Variants in CYP46A1 observed in about 807,000 individuals in gnomAD.
CYP46A1 encodes cholesterol 24-hydroxylase.
Under a neutral mutation model 63.3 loss-of-function variants are expected in CYP46A1, and 20 were observed. That is an observed-to-expected ratio of 0.32 (90% CI 0.22 to 0.46). CYP46A1 has a LOEUF of 0.46. Among genes scored for constraint, CYP46A1 ranks in the 20% least tolerant of loss-of-function variants. The probability of loss-of-function intolerance (pLI) is 1.00; values close to 1 mark genes in which losing one functional copy is unlikely to be tolerated. For missense variants in CYP46A1, 445 were observed against 670.8 expected (o/e 0.66, Z 3.72); for synonymous variants, 268 against 273.6 (o/e 0.98, Z 0.20).
At chr14:99,724,905 G>A (rs904218114) in intron 12 of CYP46A1, among the ~76,000 whole-genome samples, 1 of 152,212 alleles carries the variant, frequency 6.6e-6, no homozygotes, top group African/African-American at 2.4e-5. Flanking sequence ...CACGTGGAAG[G>A]CTGGTGGGGT....
intron 7 of CYP46A1, chr14:99,713,437 CAA>C (rs35267715): frequency 0.46 from 66,533 of 144,622 alleles, 15,030 homozygotes; most frequent in Admixed American, 0.51. Flanking sequence ...GACTACATCT[CAA>C]AAAAAAAAAA....
intron 3 of CYP46A1, among the ~76,000 whole-genome samples, chr14:99,695,872 C>G (rs2056583586): frequency 6.6e-6 from 1 of 152,104 alleles, no homozygotes; most frequent in African/African-American, 2.4e-5. Flanking sequence ...CTCAAGTGAT[C>G]TGCCCACCTC....
chr14:99,726,345 T>TTTGGGG, intron 14 of CYP46A1, 89 bp downstream of exon 14: 4 of 1,422,382 alleles, frequency 2.8e-6, no homozygotes, highest in Non-Finnish European at 9.7e-7. Flanking sequence ...GAACCCCTGC[T>TTTGGGG]CTGGGGCTGC....
At chr14:99,712,322 A>G (rs1595198306) in intron 7 of CYP46A1, 1 of 152,190 alleles carries the variant, frequency 6.6e-6, no homozygotes, top group Admixed American at 6.5e-5. Context: ...GAAATAAAAG[A>G]CGTCCAAATT....
rs564338899 is a variant in CYP46A1 at position 99,692,627 on chromosome 14, C to T, written c.282+766C>T. 2.5e-4 allele frequency among the ~76,000 whole-genome samples: 38 copies of T among 150,428 alleles called. 1 individual carries two copies. Among genetic ancestry groups the T allele is most frequent in the African/African-American group, 8.1e-4 (33 of 40,848 alleles). On this transcript the variant is annotated intron_variant, in intron 3 of 14. Transcript: ENST00000261835. Reference sequence around the variant, plus strand: ...GGTGGATCACCTGAGGTCAGGAGTTCGCGACCAGCCTGGCCAACATGGTGA... The same window carrying T: ...GGTGGATCACCTGAGGTCAGGAGTTTGCGACCAGCCTGGCCAACATGGTGA...
chr14:99,725,543 C>G lies in CYP46A1; in HGVS notation c.1265+64C>G, dbSNP rs2056888270. The G allele has an allele frequency of 7.8e-7, 1 of 1,285,052 alleles. No individual in the cohort carries two copies. 79.6% of individuals were successfully genotyped at this position (1,285,052 alleles called of 1,614,324 possible). A position where few individuals can be genotyped will look rare whatever the true frequency, so the allele number is the denominator to read the frequency against. On this transcript the variant is annotated intron_variant, in intron 13 of 14. Transcript: ENST00000261835. This position sits in a 1 kb window ranked among gnomAD's most constrained non-coding sequence, Gnocchi z 4.2. ...GGGAGAAGGACAGACACAGCGGCCTCTGGTCTGAGCCAGAGGCACCCACTC... is the reference window on the plus strand; with the variant it reads ...GGGAGAAGGACAGACACAGCGGCCTGTGGTCTGAGCCAGAGGCACCCACTC...
At chr14:99,697,531 G>T (rs1225955488) in intron 3 of CYP46A1, among the ~76,000 whole-genome samples, 3 of 152,174 alleles carry the variant, frequency 2.0e-5, no homozygotes, top group East Asian at 3.8e-4. Flanking sequence ...CTAGGTCATA[G>T]GTCTCACATT....
Position 99,722,027 on chromosome 14 carries a change from G to A in CYP46A1, c.1137G>A (p.Leu379=). 6.2e-7 allele frequency: 1 copy of A among 1,613,538 alleles called. No homozygotes were observed. The change falls in exon 12 of 15, where the codon TTG becomes TTA. Residue 379 remains leucine (L), a synonymous_variant. Transcript: ENST00000261835. The surrounding 1 kb of genome is among the most constrained non-coding windows in gnomAD (Gnocchi z 4.6). ...TTCGCCTGCTGGAAGAGGAGACCTT[G>A]ATTGATGGGGTCAGAGTCCCCGGCA... The part of the protein sequence containing the change: ...GTFRLLEEET[L]IDGVRVPGNT...
intron 2 of CYP46A1, 48 bp downstream of exon 2, chr14:99,691,209 G>A: frequency 6.3e-7 from 1 of 1,591,984 alleles, no homozygotes; most frequent in Non-Finnish European, 8.6e-7. Flanking sequence ...GTTCCCTTGG[G>A]GCAGCTCCCC....
At chr14:99,705,510 C>A (rs921706790) in intron 5 of CYP46A1, among the ~76,000 whole-genome samples, 1 of 152,182 alleles carries the variant, frequency 6.6e-6, no homozygotes, top group Non-Finnish European at 1.5e-5. Flanking sequence ...CTGGCCCTGG[C>A]CCCATTTCTC....
chr14:99,715,666 C>G (rs760387728), intron 7 of CYP46A1, 144 bp from the exon 8 acceptor site: 16 of 1,047,428 alleles, frequency 1.5e-5, no homozygotes, highest in Non-Finnish European at 2.2e-5. Context: ...GTCTCCCTGG[C>G]TGCTTCATCT....
At position 99,717,880 on chromosome 14, in the gene CYP46A1, C is replaced by G. The variant is rs1018056416; in HGVS notation, c.908-174C>G. On this transcript the variant is annotated intron_variant, in intron 9 of 14. Coordinates refer to ENST00000261835, the MANE Select transcript of CYP46A1 (RefSeq NM_006668.2). Reference sequence around the variant, plus strand: ...TCTTCTCCAAAATGGAGGTGAGCACCTCCCCGGGCCAAGTGAGACCTAGAC... The same window carrying G: ...TCTTCTCCAAAATGGAGGTGAGCACGTCCCCGGGCCAAGTGAGACCTAGAC... 6 of 525,820 alleles carry G rather than the reference C, an allele frequency of 1.1e-5. No individual in the cohort carries two copies. The African/African-American group carries it at 1.2e-4, about 10-fold the overall frequency. The allele number at this position is 525,820 out of a possible 1,614,324, so 32.6% of individuals were successfully genotyped here. A position where few individuals can be genotyped will look rare whatever the true frequency, so the allele number is the denominator to read the frequency against.
rs2056889769 is a variant in CYP46A1 at position 99,725,726 on chromosome 14, C to T, written c.1265+247C>T. ...ATAAGCAGCACCAAATACTGGGAAGCTGGGTGACTTCACCTCCCCAAGCCT... is the reference window on the plus strand; with the variant it reads ...ATAAGCAGCACCAAATACTGGGAAGTTGGGTGACTTCACCTCCCCAAGCCT... On this transcript the variant is annotated intron_variant, in intron 13 of 14. Coordinates refer to ENST00000261835, the MANE Select transcript of CYP46A1 (RefSeq NM_006668.2). The surrounding 1 kb of genome is among the most constrained non-coding windows in gnomAD (Gnocchi z 4.2). Among the ~76,000 whole-genome samples the T allele has an allele frequency of 6.6e-6, 1 of 152,232 alleles. No homozygotes were observed. Among genetic ancestry groups the T allele is most frequent in the South Asian group, 2.1e-4 (1 of 4,834 alleles).
intron 10 of CYP46A1, among the ~76,000 whole-genome samples, chr14:99,718,817 A>G (rs1282605959): frequency 6.6e-6 from 1 of 152,104 alleles, no homozygotes; most frequent in Non-Finnish European, 1.5e-5. Context: ...AAAATATACA[A>G]TCTTTCTAGG....
At chr14:99,684,860 C>T (rs934707420) in intron 1 of CYP46A1, 2 of 439,020 alleles carry the variant, frequency 4.6e-6, no homozygotes, top group Non-Finnish European at 9.1e-6. Context: ...CAAGGTCACA[C>T]GGTTGGTAAG....
intron 3 of CYP46A1, among the ~76,000 whole-genome samples, chr14:99,698,707 T>G (rs910223482): frequency 5.3e-5 from 8 of 152,292 alleles, no homozygotes; most frequent in Middle Eastern, 3.4e-3. Context: ...GTCCCAGAGT[T>G]AGCATGTGGT....
chr14:99,726,915 G>GGACTGC lies in CYP46A1; in HGVS notation c.*189_*190insACTGCG, dbSNP rs1368154612. Reference sequence around the variant, plus strand: ...GCTCCCTGTCGCCTGCGGACTCCATGGCCCTTCCTGGACTGGCCCTTGCCC... The same window carrying GGACTGC: ...GCTCCCTGTCGCCTGCGGACTCCATGGACTGCGCCCTTCCTGGACTGGCCCTTGCCC... On this transcript the variant is annotated 3_prime_UTR_variant, in exon 15 of 15. Coordinates refer to ENST00000261835, the MANE Select transcript of CYP46A1 (RefSeq NM_006668.2). 4 of 479,542 alleles carry GGACTGC rather than the reference G, an allele frequency of 8.3e-6. No homozygotes were observed. Among genetic ancestry groups the GGACTGC allele is most frequent in the Non-Finnish European group, 1.4e-5 (4 of 276,994 alleles). The allele number at this position is 479,542 out of a possible 1,614,324, so 29.7% of individuals were successfully genotyped here.
At chr14:99,716,022 T>TA (rs747724115) in intron 8 of CYP46A1, 62 bp downstream of exon 8, 504 of 1,604,554 alleles carry the variant, frequency 3.1e-4, no homozygotes, top group Non-Finnish European at 4.0e-4. Context: ...CCCCAGGTGA[T>TA]ACATCGCCAC....
At chr14:99,716,062 C>G in intron 8 of CYP46A1, 75 bp from the exon 9 acceptor site, 1 of 1,610,214 alleles carries the variant, frequency 6.2e-7, no homozygotes, top group Non-Finnish European at 8.5e-7. Context: ...AGGAGAAACA[C>G]AGTTAGTTAT....
Sources: allele counts gnomAD v4.1 joint callset (sites outside exome capture counted in the v4.1 genomes callset), GRCh38; gene constraint gnomAD v4.1.1; non-coding constraint Gnocchi (gnomAD v3.1); transcripts MANE v1.5; gene names NCBI Gene and HGNC (gene_info 2026-07-23, HGNC 2026-07-21).